TCEA3: variants seen among roughly 807,000 people sequenced by gnomAD.
TCEA3 encodes the protein transcription elongation factor A protein 3.
In TCEA3, 36 loss-of-function variants were observed where a neutral mutation model predicts 44.0. That is an observed-to-expected ratio of 0.82 (90% CI 0.63 to 1.08). The LOEUF (loss-of-function observed/expected upper bound fraction) is 1.08, where lower values mean the gene tolerates loss of function less well. Ranked by LOEUF, TCEA3 falls within the 50% of genes least tolerant of loss-of-function variation. The pLI is 0.00. For missense variants in TCEA3, 392 were observed against 441.2 expected, an observed-to-expected ratio of 0.89 and a Z score of 1.00; for synonymous variants, 162 against 159.7, an observed-to-expected ratio of 1.01 and a Z score of -0.11.
chr1:23,417,000 C>T (rs555142899), intron 4 of TCEA3, among the ~76,000 whole-genome samples: 1 of 152,250 alleles, frequency 6.6e-6, no homozygotes, highest in African/African-American at 2.4e-5. Context: ...TGGAGGCCCT[C>T]CCGCAGACGC....
intron 8 of TCEA3, among the ~76,000 whole-genome samples, chr1:23,392,416 A>ACACACTCCACACATC (rs1558030260): frequency 2.5e-3 from 8 of 3,188 alleles, no homozygotes; most frequent in African/African-American, 6.9e-3. Context: ...CATCATGCAC[A>ACACACTCCACACATC]ATACACACAC....
intron 5 of TCEA3, among the ~76,000 whole-genome samples, chr1:23,405,551 G>A (rs944276368): frequency 4.0e-5 from 6 of 151,654 alleles, no homozygotes; most frequent in Non-Finnish European, 5.9e-5. Flanking sequence ...AGCCGAGATC[G>A]TGCCACTGCA....
At chr1:23,404,288 C>T in intron 5 of TCEA3, 1 of 670,742 alleles carries the variant, frequency 1.5e-6, no homozygotes, top group South Asian at 1.6e-5. Flanking sequence ...CCCAGAGCAT[C>T]GTGCTCACTC....
intron 4 of TCEA3, among the ~76,000 whole-genome samples, chr1:23,413,911 T>A (rs1029651274): frequency 1.3e-5 from 2 of 150,754 alleles, no homozygotes; most frequent in Non-Finnish European, 2.9e-5. Context: ...CAGAGTGTAA[T>A]TCAATTTTAT....
intron 5 of TCEA3, among the ~76,000 whole-genome samples, chr1:23,402,887 AC>A (rs1639440607): frequency 6.6e-6 from 1 of 152,168 alleles, no homozygotes; most frequent in Non-Finnish European, 1.5e-5. Flanking sequence ...TGAGGAACTG[AC>A]CACAGAGAGA....
intron 5 of TCEA3, among the ~76,000 whole-genome samples, chr1:23,406,322 A>G (rs1447798613): frequency 2.0e-5 from 3 of 152,220 alleles, no homozygotes; most frequent in Admixed American, 6.5e-5. Flanking sequence ...TCTTACTGAT[A>G]CATTAGGCTT....
At chr1:23,387,165 T>G in intron 9 of TCEA3, 108 bp downstream of exon 9, 3 of 1,410,618 alleles carry the variant, frequency 2.1e-6, no homozygotes, top group Non-Finnish European at 2.8e-6. Flanking sequence ...GCCTAGAGAG[T>G]TTTAACGCTT....
intron 8 of TCEA3, among the ~76,000 whole-genome samples, chr1:23,392,587 T>G (rs1045607197): frequency 5.2e-5 from 2 of 38,426 alleles, no homozygotes; most frequent in African/African-American, 9.3e-5. Flanking sequence ...CCACACATCA[T>G]ACACACACAC....
chr1:23,417,810 A>G, intron 3 of TCEA3, 94 bp downstream of exon 3: 1 of 1,147,830 alleles, frequency 8.7e-7, no homozygotes. Flanking sequence ...GTCACTCAAC[A>G]GACATACACT....
chr1:23,406,186 G>A (rs1011231483), intron 5 of TCEA3, among the ~76,000 whole-genome samples: 1 of 152,236 alleles, frequency 6.6e-6, no homozygotes, highest in Non-Finnish European at 1.5e-5. Flanking sequence ...ACTCCAGATA[G>A]CTTCCATGCA....
chr1:23,423,885 G>T (rs1640136796), intron 1 of TCEA3: 2 of 455,734 alleles, frequency 4.4e-6, no homozygotes, highest in Non-Finnish European at 8.8e-6. Flanking sequence ...TCCTCCCTCC[G>T]CCCTCGCCCT....
chr1:23,394,276 G>A lies in TCEA3; in HGVS notation c.665-243C>T, dbSNP rs139744869. On this transcript the variant is annotated intron_variant, in intron 7 of 10. Coordinates refer to ENST00000450454, the MANE Select transcript of TCEA3 (RefSeq NM_003196.3). ...AGATCAGATCATAGCAAGCACTATA[G>A]TGTCAGGGACACCAGGACCCTGGGT... Among the ~76,000 whole-genome samples the A allele has an allele frequency of 2.6e-5, 4 of 152,294 alleles. No homozygotes were observed. The East Asian group carries it at 7.7e-4, about 29-fold the overall frequency.
intron 10 of TCEA3, 53 bp from the exon 11 acceptor site, chr1:23,381,527 G>A (rs1638671460): frequency 1.3e-6 from 1 of 780,478 alleles, no homozygotes; most frequent in African/African-American, 1.7e-5. Context: ...CATCCTCCAA[G>A]GAGGCTGTGG....
chr1:23,383,612 T>C (rs1403494053), intron 10 of TCEA3: 1 of 985,338 alleles, frequency 1.0e-6, no homozygotes, highest in East Asian at 1.1e-4. Flanking sequence ...TATCTTGTAC[T>C]TCTTGCTAAG....
intron 8 of TCEA3, 74 bp from the exon 9 acceptor site, chr1:23,387,493 G>A (rs2148545301): frequency 1.4e-6 from 2 of 1,474,558 alleles, no homozygotes; most frequent in Non-Finnish European, 1.8e-6. Flanking sequence ...TTTCTAGAAA[G>A]CCTGAACAGA....
At position 23,418,970 on chromosome 1, in the gene TCEA3, C is replaced by G. The variant is rs1183697527; in HGVS notation, c.132+107G>C. 3 of 921,910 alleles carry G rather than the reference C, an allele frequency of 3.3e-6. No homozygotes were observed. The East Asian group carries it at 1.1e-4, about 33-fold the overall frequency. The allele number at this position is 921,910 out of a possible 1,614,324, so 57.1% of individuals were successfully genotyped here. A position where few individuals can be genotyped will look rare whatever the true frequency, so the allele number is the denominator to read the frequency against. ...CTCAAGATCCCCTCCCCACAGGCCC[C>G]CCTCAGAAATTCCTCCCAGACTCCA... is the stretch of plus-strand genomic sequence containing the variant. On this transcript the variant is annotated intron_variant, in intron 2 of 10. Coordinates refer to ENST00000450454, the MANE Select transcript of TCEA3 (RefSeq NM_003196.3).
chr1:23,417,975 C>A lies in TCEA3; in HGVS notation c.167G>T (p.Arg56Leu), dbSNP rs748263280. ...TRIGVAVNGVRKHCSDKEVVS... is the reference protein window; with the variant it reads ...TRIGVAVNGVLKHCSDKEVVS... ...CACCTCCTTGTCTGAGCAGTGCTTG[C>A]GGACCCCATTAACAGCAACTCCAAT... is the stretch of plus-strand genomic sequence containing the variant. The change falls in exon 3 of 11, where the codon CGC becomes CTC. Residue 56 changes from arginine to leucine, a missense_variant. Transcript: ENST00000450454. 3 of 1,613,914 alleles carry A rather than the reference C, an allele frequency of 1.9e-6. No individual in the cohort carries two copies. In the African/African-American group the frequency reaches 4.0e-5, roughly 22 times the overall value.
intron 4 of TCEA3, among the ~76,000 whole-genome samples, chr1:23,415,068 C>T (rs571258592): frequency 9.4e-4 from 130 of 138,522 alleles, no homozygotes; most frequent in African/African-American, 3.2e-3. Flanking sequence ...CTGTTGTCCA[C>T]GCTTGAGTGC....
intron 7 of TCEA3, among the ~76,000 whole-genome samples, chr1:23,396,185 G>A (rs902036113): frequency 9.9e-5 from 15 of 152,088 alleles, no homozygotes; most frequent in Admixed American, 5.9e-4. Context: ...CAAATTTGTC[G>A]TCTGCAGATT....
Sources: gnomAD v4.1 joint callset for allele counts (sites outside exome capture counted in the v4.1 genomes callset) on GRCh38, gnomAD v4.1.1 for gene constraint, MANE v1.5 for transcripts, NCBI Gene and HGNC (gene_info 2026-07-23, HGNC 2026-07-21) for gene names.